SYTL5: variants seen among roughly 807,000 people sequenced by gnomAD.
SYTL5 encodes synaptotagmin like 5.
In SYTL5, 34 loss-of-function variants were observed where a neutral mutation model predicts 55.9. The observed-to-expected ratio is 0.61, with a 90% CI of 0.46 to 0.81. The LOEUF (loss-of-function observed/expected upper bound fraction) is 0.81, where lower values mean the gene tolerates loss of function less well. Among genes scored for constraint, SYTL5 ranks in the 30% least tolerant of loss-of-function variants. The pLI is 0.00. For missense variants in SYTL5, 637 were observed against 546.7 expected (o/e 1.17, Z -1.65); for synonymous variants, 221 against 188.7 (o/e 1.17, Z -1.40).
chrX:38,000,505 G>A, the SYTL5 span, among the ~76,000 whole-genome samples: 2 of 112,259 alleles, frequency 1.8e-5, no homozygotes, highest in African/African-American at 6.5e-5. Flanking sequence ...CAGACTGGTA[G>A]GTTGTGGGGC....
chrX:37,944,549 C>T, the SYTL5 span, among the ~76,000 whole-genome samples: 1 of 111,556 alleles, frequency 9.0e-6, no homozygotes, highest in African/African-American at 3.3e-5. Flanking sequence ...GATGAGTCCC[C>T]TGCACTTGCC....
chrX:38,005,854 C>A (rs188210626), upstream of SYTL5, among the ~76,000 whole-genome samples: 159 of 111,714 alleles, frequency 1.4e-3, no homozygotes, highest in Admixed American at 2.7e-3. Flanking sequence ...AGGGACCTGG[C>A]TATGGTAACA....
intron 1 of SYTL5, among the ~76,000 whole-genome samples, chrX:38,029,978 A>T (rs1349894334): frequency 8.9e-6 from 1 of 111,822 alleles, no homozygotes; most frequent in East Asian, 2.8e-4. Flanking sequence ...TTGCAGGCAC[A>T]GCTGGAAGGC....
intron 3 of SYTL5, among the ~76,000 whole-genome samples, chrX:38,056,749 T>C (rs1286277492): frequency 8.9e-6 from 1 of 112,040 alleles, no homozygotes; most frequent in Non-Finnish European, 1.9e-5. Context: ...GTGTTTGCCA[T>C]TTGTATGTCT....
intron 7 of SYTL5, among the ~76,000 whole-genome samples, chrX:38,090,456 A>G (rs1936772991): frequency 8.9e-6 from 1 of 112,281 alleles, no homozygotes; most frequent in Non-Finnish European, 1.9e-5. Flanking sequence ...GGGGAAAAAT[A>G]TTCTCTTTTA....
At chrX:38,006,932 A>T (rs952372716) in intron 1 of SYTL5, among the ~76,000 whole-genome samples, 2 of 111,454 alleles carry the variant, frequency 1.8e-5, no homozygotes, top group African/African-American at 6.5e-5. Flanking sequence ...CTATGAAGTG[A>T]AGCATTGCAC....
At position 38,107,161 on chromosome X, in the gene SYTL5, T is replaced by C. The variant is rs1219093269; in HGVS notation, c.1334+390T>C. On this transcript the variant is annotated intron_variant, in intron 11 of 16. Coordinates refer to ENST00000297875, the MANE Select transcript of SYTL5 (RefSeq NM_138780.3). ...ACTCAAAAGGGCAATTATGAGGCTC[T>C]CAGGATTCTAGAGATCAGCCTGGGA... Among the ~76,000 whole-genome samples, 5 of 111,942 alleles carry C rather than the reference T, an allele frequency of 4.5e-5. No individual in the cohort carries two copies. The Admixed American group carries it at 4.7e-4, about 11-fold the overall frequency.
chrX:37,973,985 G>A, the SYTL5 span, among the ~76,000 whole-genome samples: 35 of 111,725 alleles, frequency 3.1e-4, no homozygotes, highest in Non-Finnish European at 6.0e-4. Context: ...TCACTTATAT[G>A]TAGAATCTAA....
chrX:37,922,419 G>C, the SYTL5 span, among the ~76,000 whole-genome samples: 1 of 112,187 alleles, frequency 8.9e-6, no homozygotes, highest in Admixed American at 9.5e-5. Context: ...ACTTCCAGTT[G>C]ATGATCCATT....
the SYTL5 span, among the ~76,000 whole-genome samples, chrX:37,891,045 G>A: frequency 9.0e-6 from 1 of 111,651 alleles, no homozygotes; most frequent in Non-Finnish European, 1.9e-5. Flanking sequence ...AGATAATAAT[G>A]AATGTTGATG....
chrX:38,020,328 T>A (rs989201539), intron 1 of SYTL5, among the ~76,000 whole-genome samples: 12 of 105,570 alleles, frequency 1.1e-4, no homozygotes, highest in Non-Finnish European at 1.2e-4. Context: ...TTAAAATACA[T>A]TTATAACTAT....
chrX:37,970,695 A>G, the SYTL5 span, among the ~76,000 whole-genome samples: 1 of 111,783 alleles, frequency 8.9e-6, no homozygotes, highest in African/African-American at 3.3e-5. Flanking sequence ...TTTTTCTATT[A>G]ACCATTCTTA....
chrX:38,020,198 G>C (rs1934502894), intron 1 of SYTL5, among the ~76,000 whole-genome samples: 1 of 109,686 alleles, frequency 9.1e-6, no homozygotes, highest in Non-Finnish European at 1.9e-5. Context: ...ATATGAAGCA[G>C]AGGTAATATG....
At chrX:37,930,996 GGT>G in the SYTL5 span, among the ~76,000 whole-genome samples, 1 of 111,935 alleles carries the variant, frequency 8.9e-6, no homozygotes, top group African/African-American at 3.2e-5. Flanking sequence ...AGAATCAAGG[GGT>G]AGGAAAATAT....
the SYTL5 span, among the ~76,000 whole-genome samples, chrX:37,978,776 GA>G: frequency 9.0e-6 from 1 of 110,610 alleles, no homozygotes; most frequent in South Asian, 3.8e-4. Context: ...AGAAAACTGA[GA>G]AAAAGCTTCA....
the SYTL5 span, among the ~76,000 whole-genome samples, chrX:37,924,390 A>C: frequency 8.9e-6 from 1 of 111,836 alleles, no homozygotes; most frequent in Non-Finnish European, 1.9e-5. Flanking sequence ...GGATTAAATG[A>C]GATAACATAT....
intron 12 of SYTL5, among the ~76,000 whole-genome samples, 162 bp from the exon 13 acceptor site, chrX:38,110,159 A>G (rs1311228865): frequency 5.4e-5 from 6 of 111,793 alleles, no homozygotes; most frequent in South Asian, 7.6e-4. Context: ...TAGAACTTCA[A>G]TTGTAGCAGA....
chrX:38,030,721 C>T (rs1400671908), intron 1 of SYTL5, among the ~76,000 whole-genome samples: 2 of 112,060 alleles, frequency 1.8e-5, no homozygotes, highest in South Asian at 3.7e-4. Flanking sequence ...GCTGGGCCAC[C>T]GTTGTAAAAT....
the SYTL5 span, among the ~76,000 whole-genome samples, chrX:37,981,489 G>C: frequency 2.7e-5 from 3 of 110,307 alleles, no homozygotes; most frequent in African/African-American, 9.9e-5. Flanking sequence ...TGGAGATGGG[G>C]TTTCTCCATG....
Sources: gnomAD v4.1 joint callset for allele counts (sites outside exome capture counted in the v4.1 genomes callset) on GRCh38, gnomAD v4.1.1 for gene constraint, MANE v1.5 for transcripts, NCBI Gene and HGNC (gene_info 2026-07-23, HGNC 2026-07-21) for gene names.